The following CREB3L2 variants were observed in gnomAD, a reference collection of about 807,000 sequenced individuals.
The protein encoded by CREB3L2 is cAMP responsive element binding protein 3 like 2, also known as cyclic AMP-responsive element-binding protein 3-like protein 2.
In CREB3L2, 23 loss-of-function variants were observed where a neutral mutation model predicts 57.2. The observed-to-expected ratio is 0.40, with a 90% CI of 0.29 to 0.57. The LOEUF (loss-of-function observed/expected upper bound fraction) is 0.57. CREB3L2 is among the 20% of genes least tolerant of loss of function. The pLI, the probability that CREB3L2 is intolerant of heterozygous loss-of-function variation, is 0.42. For synonymous variants in CREB3L2, 268 were observed against 265.1 expected (o/e 1.01, Z -0.11); for missense variants, 628 against 634.7 (o/e 0.99, Z 0.11).
chr7:137,894,784 CT>C lies in CREB3L2; in HGVS notation c.1043+6569del, dbSNP rs150595906. Reference sequence around the variant, plus strand: ...AAACACTGAGTCCAAATCAAGGGCCCTTGTGTCCAAGTCTAAAGTTGGCTCT... The same window carrying C: ...AAACACTGAGTCCAAATCAAGGGCCCTGTGTCCAAGTCTAAAGTTGGCTCT... On this transcript the variant is annotated intron_variant, in intron 8 of 11. Transcript: ENST00000330387. 5.0e-3 allele frequency among the ~76,000 whole-genome samples: 761 copies of C among 152,296 alleles called. 7 individuals are homozygous for C. Among genetic ancestry groups the C allele is most frequent in the African/African-American group, 0.017 (716 of 41,556 alleles).
In CREB3L2 at chr7:137,901,261, C is replaced by CACT. The variant is rs1371438841; in HGVS notation, c.1043+90_1043+92dup. On this transcript the variant is annotated intron_variant, in intron 8 of 11. Transcript: ENST00000330387. ...ACTGCACTTTCACTGTGACCTCCTC[C>CACT]ACTTTTCTGCCATCCCTGGTTCTGG... The CACT allele has an allele frequency of 5.1e-5, 43 of 841,386 alleles. No individual in the cohort carries two copies. In the East Asian group the frequency reaches 1.0e-3, roughly 20 times the overall value. 52.1% of individuals were successfully genotyped at this position (841,386 alleles called of 1,614,324 possible).
In CREB3L2 at chr7:137,885,522, C is replaced by A; in HGVS notation, c.1044-20G>T. ...AGAGTCCTGCCAATGATAACAACAG[C>A]CGTGAGGGGAGTCTGACAGAGAAGA... On this transcript the variant is annotated intron_variant, in intron 8 of 11. Transcript: ENST00000330387. The A allele has an allele frequency of 6.4e-7, 1 of 1,574,638 alleles. No homozygotes were observed. The highest frequency in any genetic ancestry group is 1.1e-5 in the South Asian group (1 of 90,232).
rs1288971304 is a variant in CREB3L2 at position 137,876,691 on chromosome 7, AG to A, written c.*3784del. 1 of 232,410 alleles carries A rather than the reference AG, an allele frequency of 4.3e-6. No homozygotes were observed. Among genetic ancestry groups the A allele is most frequent in the African/African-American group, 2.2e-5 (1 of 45,246 alleles). 14.4% of individuals were successfully genotyped at this position (232,410 alleles called of 1,614,324 possible). A position where few individuals can be genotyped will look rare whatever the true frequency, so the allele number is the denominator to read the frequency against. On this transcript the variant is annotated 3_prime_UTR_variant, in exon 12 of 12. Coordinates refer to ENST00000330387, the MANE Select transcript of CREB3L2 (RefSeq NM_194071.4). ...GTGGCCAAATAAAATGACTCTCAAGAGGGCACTACCTGCCCATGGCTTCACA... is the reference window on the plus strand; with the variant it reads ...GTGGCCAAATAAAATGACTCTCAAGAGGCACTACCTGCCCATGGCTTCACA...
chr7:137,951,592 T>C (rs1801100357), intron 1 of CREB3L2, among the ~76,000 whole-genome samples: 1 of 152,230 alleles, frequency 6.6e-6, no homozygotes, highest in African/African-American at 2.4e-5. Flanking sequence ...AAGTATGGTA[T>C]ATAAGCTCAA....
chr7:137,932,405 C>T (rs1460270884), intron 1 of CREB3L2, among the ~76,000 whole-genome samples: 1 of 152,124 alleles, frequency 6.6e-6, no homozygotes, highest in Non-Finnish European at 1.5e-5. Flanking sequence ...CCCTCAGAGA[C>T]TTTGACTTAG....
At chr7:137,883,288 A>G (rs569065063) in intron 10 of CREB3L2, among the ~76,000 whole-genome samples, 2 of 152,328 alleles carry the variant, frequency 1.3e-5, no homozygotes, top group African/African-American at 4.8e-5. Context: ...TGGCAGAGAC[A>G]CACCTGCCTG....
At position 137,910,849 on chromosome 7, in the gene CREB3L2, T is replaced by C. The variant is rs1799990715; in HGVS notation, c.583+2142A>G. 1.3e-5 allele frequency among the ~76,000 whole-genome samples: 2 copies of C among 152,190 alleles called. 1 individual carries two copies. Among genetic ancestry groups the C allele is most frequent in the Admixed American group, 1.3e-4 (2 of 15,280 alleles). Reference sequence around the variant, plus strand: ...CTCAGGATCAGATTTCTAAATATCATTTGAAATGCTGCTTTTGGGTTACTG... The same window carrying C: ...CTCAGGATCAGATTTCTAAATATCACTTGAAATGCTGCTTTTGGGTTACTG... On this transcript the variant is annotated intron_variant, in intron 4 of 11. Transcript: ENST00000330387.
At position 137,879,451 on chromosome 7, in the gene CREB3L2, T is replaced by A; in HGVS notation, c.*1025A>T. 1 of 384,180 alleles carries A rather than the reference T, an allele frequency of 2.6e-6. No homozygotes were observed. The highest frequency in any genetic ancestry group is 2.7e-5 in the South Asian group (1 of 37,574). 23.8% of individuals were successfully genotyped at this position (384,180 alleles called of 1,614,324 possible). ...TCATGAAAACAGGATAGAAAAAGCT[T>A]GTGGCCAGGGAGCCCGGGGCCTGAG... On this transcript the variant is annotated 3_prime_UTR_variant, in exon 12 of 12. Coordinates refer to ENST00000330387, the MANE Select transcript of CREB3L2 (RefSeq NM_194071.4).
intron 1 of CREB3L2, chr7:137,953,533 G>T (rs755549579): frequency 1.6e-6 from 2 of 1,288,850 alleles, no homozygotes; most frequent in Non-Finnish European, 2.0e-6. Context: ...AGGTATGCGG[G>T]TTTGCAGAGG....
At chr7:137,889,231 GCCAGC>G (rs1799487087) in intron 8 of CREB3L2, among the ~76,000 whole-genome samples, 1 of 152,100 alleles carries the variant, frequency 6.6e-6, no homozygotes. Flanking sequence ...CTTTCAGCAG[GCCAGC>G]TACACCTGAA....
At chr7:137,905,552 G>A in intron 6 of CREB3L2, 150 bp downstream of exon 6, 2 of 797,884 alleles carry the variant, frequency 2.5e-6, no homozygotes, top group Non-Finnish European at 4.2e-6. Context: ...TGGTGAGGGT[G>A]CTCCTCCCAG....
In CREB3L2 at chr7:137,958,481, A is replaced by G. The variant is rs183164852; in HGVS notation, c.103-30115T>C. 1.1e-3 allele frequency among the ~76,000 whole-genome samples: 164 copies of G among 152,288 alleles called. 1 individual carries two copies. The East Asian group carries it at 0.028, about 26-fold the overall frequency. ...GGAGTTTGAGACCAGACTGGGCAAC[A>G]TAGTGGAGACCCTGCCTGTTCAAAA... is the stretch of plus-strand genomic sequence containing the variant. On this transcript the variant is annotated intron_variant, in intron 1 of 11. Coordinates refer to ENST00000330387, the MANE Select transcript of CREB3L2 (RefSeq NM_194071.4).
rs954015707 is a variant in CREB3L2, at chr7:137,880,601, T to C, written c.1488-50A>G. ...GAAGTATTAGTCACCAGCTGTTAGCTACAATTCTCATGCTTTGTAGCGTGA... is the reference window on the plus strand; with the variant it reads ...GAAGTATTAGTCACCAGCTGTTAGCCACAATTCTCATGCTTTGTAGCGTGA... On this transcript the variant is annotated intron_variant, in intron 11 of 11. Transcript: ENST00000330387. This position sits in a 1 kb window ranked among gnomAD's most constrained non-coding sequence, Gnocchi z 4.0. 7.1e-7 allele frequency: 1 copy of C among 1,418,132 alleles called. No individual in the cohort carries two copies. Among genetic ancestry groups the C allele is most frequent in the Non-Finnish European group, 1.0e-6 (1 of 1,003,678 alleles). 87.8% of individuals were successfully genotyped at this position (1,418,132 alleles called of 1,614,324 possible). A position where few individuals can be genotyped will look rare whatever the true frequency, so the allele number is the denominator to read the frequency against.
chr7:137,984,089 C>T (rs1801755419), intron 1 of CREB3L2, among the ~76,000 whole-genome samples: 1 of 152,216 alleles, frequency 6.6e-6, no homozygotes, highest in Non-Finnish European at 1.5e-5. Context: ...AAGTAGCTCC[C>T]TTATCTGTGA....
chr7:137,972,695 A>C (rs60285792), intron 1 of CREB3L2, among the ~76,000 whole-genome samples: 16 of 36,736 alleles, frequency 4.4e-4, no homozygotes, highest in Admixed American at 1.3e-3. Context: ...AAAAAAAAAA[A>C]AAAAAAAAAA....
rs565229767 is a variant in CREB3L2, at chr7:137,956,734, T to C, written c.103-28368A>G. On this transcript the variant is annotated intron_variant, in intron 1 of 11. Transcript: ENST00000330387. Reference sequence around the variant, plus strand: ...CAATCCAGGTTCTGAATTCTTTGAGTTGGGCAAACATTTGCGATTGCTAGC... The same window carrying C: ...CAATCCAGGTTCTGAATTCTTTGAGCTGGGCAAACATTTGCGATTGCTAGC... The C allele has an allele frequency of 4.7e-4, 441 of 937,292 alleles. 5 individuals carry two copies. In the South Asian group the frequency reaches 5.8e-3, roughly 12 times the overall value. 58.1% of individuals were successfully genotyped at this position (937,292 alleles called of 1,614,324 possible). A position where few individuals can be genotyped will look rare whatever the true frequency, so the allele number is the denominator to read the frequency against.
At chr7:137,966,432 A>G (rs941868401) in intron 1 of CREB3L2, among the ~76,000 whole-genome samples, 2 of 152,172 alleles carry the variant, frequency 1.3e-5, no homozygotes, top group Non-Finnish European at 2.9e-5. Flanking sequence ...GCTCAGGGAG[A>G]AGGAGGAGCA....
intron 1 of CREB3L2, among the ~76,000 whole-genome samples, chr7:137,945,839 T>C (rs1009479678): frequency 6.6e-6 from 1 of 152,178 alleles, no homozygotes; most frequent in African/African-American, 2.4e-5. Flanking sequence ...TCCTAACAAA[T>C]TGCCCTATCG....
intron 2 of CREB3L2, among the ~76,000 whole-genome samples, chr7:137,922,216 TA>T (rs1026231361): frequency 6.6e-5 from 10 of 151,328 alleles, no homozygotes; most frequent in African/African-American, 1.9e-4. Context: ...ACTTTTCCTT[TA>T]AATACTCAAG....
Sources: allele counts gnomAD v4.1 joint callset (sites outside exome capture counted in the v4.1 genomes callset), GRCh38; gene constraint gnomAD v4.1.1; non-coding constraint Gnocchi (gnomAD v3.1); transcripts MANE v1.5; gene names NCBI Gene and HGNC (gene_info 2026-07-23, HGNC 2026-07-21).